Variants in GPR149 observed in about 807,000 individuals in gnomAD.
The protein encoded by GPR149 is probable G protein-coupled receptor 149.
In GPR149, 50 loss-of-function variants were observed where a neutral mutation model predicts 50.2. The observed-to-expected ratio is 1.00, with a 90% CI of 0.79 to 1.26. The LOEUF (loss-of-function observed/expected upper bound fraction) is 1.26, where lower values mean the gene tolerates loss of function less well. Among genes scored for constraint, GPR149 ranks in the 50% most tolerant of loss-of-function variants. The pLI, the probability that GPR149 is intolerant of heterozygous loss-of-function variation, is 0.00. For synonymous variants in GPR149, 405 were observed against 358.2 expected, an observed-to-expected ratio of 1.13 and a Z score of -1.48; for missense variants, 983 against 895.4, an observed-to-expected ratio of 1.10 and a Z score of -1.25.
At chr3:154,385,692 C>T (rs1356389050) in intron 3 of GPR149, among the ~76,000 whole-genome samples, 5 of 124,808 alleles carry the variant, frequency 4.0e-5, no homozygotes, top group Non-Finnish European at 8.2e-5. Context: ...AAATTTCTTT[C>T]TTTCTTTCTT....
At chr3:154,342,036 T>A (rs1203115309) in intron 3 of GPR149, among the ~76,000 whole-genome samples, 2 of 152,210 alleles carry the variant, frequency 1.3e-5, no homozygotes, top group Admixed American at 6.5e-5. Flanking sequence ...TAGATACCTA[T>A]CTCATGTTAC....
chr3:154,392,736 A>T (rs1473673657), intron 3 of GPR149, among the ~76,000 whole-genome samples: 8 of 151,892 alleles, frequency 5.3e-5, no homozygotes, highest in African/African-American at 1.9e-4. Context: ...TAGAAATAAA[A>T]CAGGAGACAT....
chr3:154,353,337 A>T, intron 3 of GPR149: 1 of 1,431,902 alleles, frequency 7.0e-7, no homozygotes, highest in Non-Finnish European at 9.9e-7. Context: ...AACTTTGTAT[A>T]CCCACTGTGG....
chr3:154,354,819 C>A, intron 3 of GPR149: 1 of 552,974 alleles, frequency 1.8e-6, no homozygotes, highest in South Asian at 3.2e-5. Flanking sequence ...CCACCTCCCT[C>A]CACGCACAGT....
chr3:154,400,513 A>G (rs1017367637), intron 3 of GPR149, among the ~76,000 whole-genome samples: 1 of 152,144 alleles, frequency 6.6e-6, no homozygotes, highest in Non-Finnish European at 1.5e-5. Context: ...AAAACCAAGG[A>G]GCTTTATATG....
At chr3:154,344,932 A>G (rs897148252) in intron 3 of GPR149, among the ~76,000 whole-genome samples, 1 of 152,244 alleles carries the variant, frequency 6.6e-6, no homozygotes, top group African/African-American at 2.4e-5. Flanking sequence ...TGCAAACAGT[A>G]CAAAAATACA....
chr3:154,339,852 C>T (rs562355198), intron 3 of GPR149, among the ~76,000 whole-genome samples: 29 of 124,764 alleles, frequency 2.3e-4, no homozygotes, highest in Non-Finnish European at 3.1e-4. Context: ...TGCAGTGGCT[C>T]GATCTCGGTT....
intron 3 of GPR149, among the ~76,000 whole-genome samples, chr3:154,350,951 C>T (rs954159370): frequency 1.3e-5 from 2 of 152,056 alleles, no homozygotes; most frequent in South Asian, 2.1e-4. Flanking sequence ...TAGCTGTTTA[C>T]TATATTGTTT....
At chr3:154,424,074 G>A (rs761790828) in intron 2 of GPR149, among the ~76,000 whole-genome samples, 3 of 151,828 alleles carry the variant, frequency 2.0e-5, no homozygotes, top group Admixed American at 1.3e-4. Flanking sequence ...ATTAGGGGTT[G>A]TGTTGTCAAT....
At chr3:154,397,936 G>GC (rs1715331387) in intron 3 of GPR149, among the ~76,000 whole-genome samples, 1 of 147,814 alleles carries the variant, frequency 6.8e-6, no homozygotes, top group Admixed American at 7.0e-5. Flanking sequence ...TAAGATTTTT[G>GC]TAAAAATCAA....
At chr3:154,411,538 A>G (rs1322860631) in intron 3 of GPR149, among the ~76,000 whole-genome samples, 1 of 152,134 alleles carries the variant, frequency 6.6e-6, no homozygotes, top group Non-Finnish European at 1.5e-5. Flanking sequence ...TACCAGAGAA[A>G]TACAGAAGAT....
chr3:154,352,859 G>C (rs1483905158), intron 3 of GPR149: 1 of 938,072 alleles, frequency 1.1e-6, no homozygotes, highest in African/African-American at 1.6e-5. Flanking sequence ...CTTTCTCTTG[G>C]TTGATAAAAA....
At chr3:154,377,406 A>T (rs531083047) in intron 3 of GPR149, among the ~76,000 whole-genome samples, 31 of 149,458 alleles carry the variant, frequency 2.1e-4, no homozygotes, top group South Asian at 8.5e-4. Flanking sequence ...TCATTCTGTC[A>T]CCCAGGCTGG....
intron 3 of GPR149, among the ~76,000 whole-genome samples, chr3:154,393,584 T>A (rs910923910): frequency 2.6e-5 from 4 of 151,970 alleles, no homozygotes; most frequent in African/African-American, 7.2e-5. Flanking sequence ...GCCTGAGTAA[T>A]TAGGCAGGAA....
At position 154,413,942 on chromosome 3, in the gene GPR149, G is replaced by GTATATATA. The variant is rs3038651; in HGVS notation, c.1623+7089_1623+7096dup. 4.4e-3 allele frequency among the ~76,000 whole-genome samples: 647 copies of GTATATATA among 147,974 alleles called. 6 individuals are homozygous for GTATATATA. Among genetic ancestry groups the GTATATATA allele is most frequent in the East Asian group, 0.022 (108 of 5,016 alleles). On this transcript the variant is annotated intron_variant, in intron 3 of 3. Transcript: ENST00000389740. ...TCAACGAGTTGATAAAGAAATTGTA[G>GTATATATA]TATATATATATATATATACATGGAA... is the stretch of plus-strand genomic sequence containing the variant.
At chr3:154,422,610 A>C (rs2108430397) in intron 2 of GPR149, among the ~76,000 whole-genome samples, 1 of 151,906 alleles carries the variant, frequency 6.6e-6, no homozygotes, top group East Asian at 1.9e-4. Flanking sequence ...TGATTCTATT[A>C]CTGAAATGTT....
intron 3 of GPR149, among the ~76,000 whole-genome samples, chr3:154,355,656 G>C (rs2971446): frequency 0.9 from 137,619 of 152,260 alleles, 62,440 homozygotes; most frequent in East Asian, 1. Flanking sequence ...TACACTGATT[G>C]TAATTTAACA....
intron 3 of GPR149, among the ~76,000 whole-genome samples, chr3:154,375,929 G>A (rs1175113754): frequency 8.5e-5 from 13 of 152,150 alleles, no homozygotes; most frequent in Admixed American, 8.5e-4. Context: ...TAACATCCAT[G>A]CTCCTGCTTT....
intron 3 of GPR149, among the ~76,000 whole-genome samples, chr3:154,416,312 G>C (rs1040546230): frequency 2.1e-4 from 32 of 151,690 alleles, no homozygotes; most frequent in Admixed American, 2.0e-4. Context: ...AGCCCACTGG[G>C]GGATTTTGAT....
Sources: gnomAD v4.1 joint callset for allele counts (sites outside exome capture counted in the v4.1 genomes callset) on GRCh38, gnomAD v4.1.1 for gene constraint, MANE v1.5 for transcripts, NCBI Gene and HGNC (gene_info 2026-07-23, HGNC 2026-07-21) for gene names.